The following AGBL1 variants were observed in gnomAD, a reference collection of about 807,000 sequenced individuals.
The protein encoded by AGBL1 is cytosolic carboxypeptidase 4.
In AGBL1, 130 loss-of-function variants were observed where a neutral mutation model predicts 118.9. That is an observed-to-expected ratio of 1.09 (90% CI 0.95 to 1.26). The LOEUF is 1.26. AGBL1 is among the 50% of genes most tolerant of loss of function. The probability of loss-of-function intolerance (pLI) is 0.00; values close to 1 mark genes in which losing one functional copy is unlikely to be tolerated. For missense variants in AGBL1, 1,584 were observed against 1,298.1 expected (o/e 1.22, Z -3.38); for synonymous variants, 555 against 478.9 (o/e 1.16, Z -2.08).
chr15:86,851,532 C>T (rs1329198092), intron 22 of AGBL1, among the ~76,000 whole-genome samples: 1 of 152,134 alleles, frequency 6.6e-6, no homozygotes, highest in Non-Finnish European at 1.5e-5. Flanking sequence ...CTTTCTGTAT[C>T]CCCAGAATTT....
chr15:86,507,116 C>A (rs997605697), intron 18 of AGBL1, among the ~76,000 whole-genome samples: 1 of 151,974 alleles, frequency 6.6e-6, no homozygotes, highest in South Asian at 2.1e-4. Flanking sequence ...AGCCAAGCTA[C>A]TAATGATAAA....
chr15:86,891,646 C>T (rs181250956), intron 22 of AGBL1, among the ~76,000 whole-genome samples: 1 of 151,350 alleles, frequency 6.6e-6, no homozygotes, highest in East Asian at 1.9e-4. Flanking sequence ...GCTTGAGCAA[C>T]AGCACCATCA....
At chr15:86,392,074 A>C (rs761694916) in intron 17 of AGBL1, among the ~76,000 whole-genome samples, 80 of 152,124 alleles carry the variant, frequency 5.3e-4, no homozygotes, top group Non-Finnish European at 7.9e-4. Context: ...AACATTCCAG[A>C]TAGGGATAAA....
At chr15:86,138,954 A>G (rs2076924730) in intron 1 of AGBL1, among the ~76,000 whole-genome samples, 1 of 152,162 alleles carries the variant, frequency 6.6e-6, no homozygotes, top group South Asian at 2.1e-4. Context: ...AGAGTCCTGA[A>G]CATTCCCCCA....
Position 86,150,212 on chromosome 15 carries a change from A to G in AGBL1, c.263-4218A>G, listed in dbSNP as rs140688095. Among the ~76,000 whole-genome samples, 236 of 152,352 alleles carry G rather than the reference A, an allele frequency of 1.5e-3. 1 individual carries two copies. Among genetic ancestry groups the G allele is most frequent in the African/African-American group, 5.4e-3 (224 of 41,580 alleles). On this transcript the variant is annotated intron_variant, in intron 3 of 22. Coordinates refer to ENST00000614907, the MANE Select transcript of AGBL1 (RefSeq NM_001386094.1). ...AATCAACACCCTAACATCACAACTA[A>G]AAGAACTAGAGAAACAAGAACAAAC... is the stretch of plus-strand genomic sequence containing the variant.
chr15:86,841,331 A>G (rs1249082760), intron 22 of AGBL1, among the ~76,000 whole-genome samples: 2 of 152,206 alleles, frequency 1.3e-5, no homozygotes, highest in Non-Finnish European at 2.9e-5. Flanking sequence ...ATAAGGGGTC[A>G]GGGGCAGTGA....
chr15:86,437,952 CTGG>C, intron 18 of AGBL1, among the ~76,000 whole-genome samples: 1 of 152,080 alleles, frequency 6.6e-6, no homozygotes, highest in Non-Finnish European at 1.5e-5. Flanking sequence ...ATTGCCCAGG[CTGG>C]AGTGCAATGG....
At chr15:86,680,556 C>CTTTCT (rs1315289971) in intron 22 of AGBL1, among the ~76,000 whole-genome samples, 2 of 122,082 alleles carry the variant, frequency 1.6e-5, no homozygotes, top group African/African-American at 3.1e-5. Context: ...TTCTTTCTTT[C>CTTTCT]TTTCTTTTCT....
chr15:86,752,511 T>A (rs1201859814), intron 22 of AGBL1, among the ~76,000 whole-genome samples: 1 of 152,090 alleles, frequency 6.6e-6, no homozygotes, highest in Non-Finnish European at 1.5e-5. Context: ...TGCAGGCAGA[T>A]TCTTCCATGT....
intron 22 of AGBL1, among the ~76,000 whole-genome samples, chr15:86,732,109 T>C (rs2077534628): frequency 6.6e-6 from 1 of 152,208 alleles, no homozygotes; most frequent in African/African-American, 2.4e-5. Flanking sequence ...TTAATTGCCT[T>C]GCACAAGAAT....
chr15:86,944,661 C>G (rs2080794997), intron 23 of AGBL1, among the ~76,000 whole-genome samples: 1 of 152,290 alleles, frequency 6.6e-6, no homozygotes, highest in African/African-American at 2.4e-5. Context: ...CATAAGTAAT[C>G]TGCATATTTT....
At chr15:86,947,444 C>G (rs2080837831) in intron 23 of AGBL1, among the ~76,000 whole-genome samples, 1 of 152,108 alleles carries the variant, frequency 6.6e-6, no homozygotes, top group Non-Finnish European at 1.5e-5. Context: ...TTATGTTGTT[C>G]TATGACTCAA....
chr15:86,771,138 T>A (rs2078173742), intron 22 of AGBL1, among the ~76,000 whole-genome samples: 1 of 152,012 alleles, frequency 6.6e-6, no homozygotes, highest in South Asian at 2.1e-4. Context: ...CATAAAAGAT[T>A]ACGCACCGGA....
rs1470188332 is a variant in AGBL1 at position 86,911,339 on chromosome 15, C to T, written c.*4045C>T. On this transcript the variant is annotated 3_prime_UTR_variant, in exon 23 of 23. Coordinates refer to ENST00000614907, the MANE Select transcript of AGBL1 (RefSeq NM_001386094.1). ...TTCTGATTTCACCTTTAAGATAGTCCCATTGTTAGAATAGAAGCCCAAGAC... is the reference window on the plus strand; with the variant it reads ...TTCTGATTTCACCTTTAAGATAGTCTCATTGTTAGAATAGAAGCCCAAGAC... 6 of 152,224 alleles carry T rather than the reference C, an allele frequency of 3.9e-5. No homozygotes were observed. The East Asian group carries it at 7.8e-4, about 20-fold the overall frequency. The allele number at this position is 152,224 out of a possible 1,614,324, so 9.4% of individuals were successfully genotyped here.
intron 21 of AGBL1, among the ~76,000 whole-genome samples, chr15:86,652,342 G>A (rs2085387996): frequency 6.6e-6 from 1 of 152,000 alleles, no homozygotes; most frequent in Non-Finnish European, 1.5e-5. Flanking sequence ...AGAGGCACAG[G>A]GATCTCAGCC....
At chr15:86,578,156 C>T (rs553209844) in intron 21 of AGBL1, among the ~76,000 whole-genome samples, 15 of 152,176 alleles carry the variant, frequency 9.9e-5, no homozygotes, top group Non-Finnish European at 1.9e-4. Flanking sequence ...CCTGCAGAGC[C>T]GTAAGTGCAG....
chr15:86,817,213 T>C (rs922991663), intron 22 of AGBL1, among the ~76,000 whole-genome samples: 4 of 150,374 alleles, frequency 2.7e-5, no homozygotes, highest in African/African-American at 9.8e-5. Flanking sequence ...AATTGCTTGA[T>C]CTCAGAAGGC....
intron 15 of AGBL1, 24 bp from the exon 16 acceptor site, chr15:86,279,615 T>A: frequency 6.2e-7 from 1 of 1,610,670 alleles, no homozygotes; most frequent in South Asian, 1.1e-5. Flanking sequence ...CTTATTCTCT[T>A]CTCTTCTCCT....
At chr15:86,439,299 G>T (rs1464644295) in intron 18 of AGBL1, among the ~76,000 whole-genome samples, 2 of 152,148 alleles carry the variant, frequency 1.3e-5, no homozygotes, top group Admixed American at 6.5e-5. Flanking sequence ...TCGCAAATTT[G>T]AAAACTCCAG....
Sources: gnomAD v4.1 joint callset for allele counts (sites outside exome capture counted in the v4.1 genomes callset) on GRCh38, gnomAD v4.1.1 for gene constraint, MANE v1.5 for transcripts, NCBI Gene and HGNC (gene_info 2026-07-23, HGNC 2026-07-21) for gene names.